Variants in TGIF1 observed in about 807,000 individuals in gnomAD.
TGIF1 encodes the protein TGFB induced factor homeobox 1, also known as homeobox protein TGIF1.
Under a neutral mutation model 19.3 loss-of-function variants are expected in TGIF1, and 4 were observed. That is an observed-to-expected ratio of 0.21 (90% CI 0.10 to 0.47). The LOEUF (loss-of-function observed/expected upper bound fraction) is 0.47. TGIF1 is among the 20% of genes least tolerant of loss of function. The pLI is 0.98. For missense variants in TGIF1, 275 were observed against 341.4 expected (o/e 0.81, Z 1.53); for synonymous variants, 122 against 129.3 (o/e 0.94, Z 0.38).
chr18:3,430,053 G>A (rs1389378500), intron 2 of TGIF1, among the ~76,000 whole-genome samples: 1 of 152,256 alleles, frequency 6.6e-6, no homozygotes, highest in Non-Finnish European at 1.5e-5. Context: ...ATACTCGGGA[G>A]GCTGAGGCAG....
At chr18:3,420,773 C>A (rs2082389468) in intron 2 of TGIF1, among the ~76,000 whole-genome samples, 1 of 152,162 alleles carries the variant, frequency 6.6e-6, no homozygotes, top group African/African-American at 2.4e-5. Flanking sequence ...GCCCTTAGCC[C>A]TTAGTTCTAG....
At position 3,459,553 on chromosome 18, in the gene TGIF1, T is replaced by G. The variant is rs189841534; in HGVS notation, c.*1613T>G. The G allele has an allele frequency of 9.2e-5, 14 of 152,194 alleles. No individual in the cohort carries two copies. Among genetic ancestry groups the G allele is most frequent in the Admixed American group, 3.9e-4 (6 of 15,286 alleles). 9.4% of individuals were successfully genotyped at this position (152,194 alleles called of 1,614,324 possible). A position where few individuals can be genotyped will look rare whatever the true frequency, so the allele number is the denominator to read the frequency against. ...TAAATACAAGGAACAAAATAAACAT[T>G]AATAAAAATGAATGACGCAAAGGTG... On this transcript the variant is annotated 3_prime_UTR_variant, in exon 3 of 3. Coordinates refer to ENST00000343820, the MANE Select transcript of TGIF1 (RefSeq NM_003244.4).
chr18:3,417,482 A>G (rs2082348410), intron 1 of TGIF1, among the ~76,000 whole-genome samples: 1 of 152,194 alleles, frequency 6.6e-6, no homozygotes, highest in Non-Finnish European at 1.5e-5. Context: ...AAATTCTACT[A>G]CATCCAGAGA....
At chr18:3,450,608 G>C (rs2082879607) in intron 1 of TGIF1, 103 bp downstream of exon 1, 1 of 1,544,244 alleles carries the variant, frequency 6.5e-7, no homozygotes, top group Admixed American at 2.0e-5. Flanking sequence ...TTCCGCCCAG[G>C]GGCTCTCATG....
chr18:3,438,594 C>CG (rs1417722194), intron 2 of TGIF1, among the ~76,000 whole-genome samples: 1 of 144,590 alleles, frequency 6.9e-6, no homozygotes, highest in Admixed American at 7.1e-5. Context: ...TTCATACACA[C>CG]AAACACACAC....
chr18:3,438,117 A>G (rs1302646943), intron 2 of TGIF1, among the ~76,000 whole-genome samples: 1 of 152,146 alleles, frequency 6.6e-6, no homozygotes, highest in Non-Finnish European at 1.5e-5. Context: ...CTAATTAAAT[A>G]GAAGTTAGTG....
At chr18:3,412,563 A>G in intron 1 of TGIF1, among the ~76,000 whole-genome samples, 1 of 152,220 alleles carries the variant, frequency 6.6e-6, no homozygotes, top group Non-Finnish European at 1.5e-5. Flanking sequence ...AATTCTTTGC[A>G]CATCTGGGAG....
In TGIF1 at chr18:3,450,521, G is replaced by C. The variant is rs2082873557; in HGVS notation, c.16+16G>C. 6.4e-7 allele frequency: 1 copy of C among 1,559,842 alleles called. No homozygotes were observed. ...GGCAAGAAAGGTAAGGCGGCCGCGG[G>C]CTGCGCGCACCAGAAGACGCGAGTC... On this transcript the variant is annotated intron_variant, in intron 1 of 2. Coordinates refer to ENST00000343820, the MANE Select transcript of TGIF1 (RefSeq NM_003244.4).
At chr18:3,433,310 G>A (rs1484864657) in intron 2 of TGIF1, among the ~76,000 whole-genome samples, 1 of 152,126 alleles carries the variant, frequency 6.6e-6, no homozygotes, top group Non-Finnish European at 1.5e-5. Flanking sequence ...CTGGCCTCAC[G>A]TGATCCGCCC....
rs1008374125 is a variant in TGIF1, at chr18:3,420,150, G to A, written c.-45+1935G>A. Among the ~76,000 whole-genome samples the A allele has an allele frequency of 2.0e-5, 3 of 152,118 alleles. No individual in the cohort carries two copies. The South Asian group carries it at 6.2e-4, about 32-fold the overall frequency. ...TAAAGCACTTTGGGAGGACAAGGTG[G>A]GTGGATCACTTGAGGTCAGGCAGAG... On this transcript the variant is annotated intron_variant, in intron 2 of 3. Coordinates refer to the TGIF1 transcript ENST00000401449.
chr18:3,447,892 A>G, upstream of TGIF1: 1 of 1,555,680 alleles, frequency 6.4e-7, no homozygotes, highest in Non-Finnish European at 8.9e-7. Flanking sequence ...GTTTGTTTTC[A>G]AGCTATAAAC....
At chr18:3,421,599 A>T (rs372869335) in intron 2 of TGIF1, among the ~76,000 whole-genome samples, 3 of 151,492 alleles carry the variant, frequency 2.0e-5, no homozygotes, top group Non-Finnish European at 4.4e-5. Context: ...TTTAGTAGAG[A>T]CAGGGTTTCT....
At chr18:3,448,114 G>C, upstream of TGIF1, 3 of 926,266 alleles carry the variant, frequency 3.2e-6, no homozygotes, top group Non-Finnish European at 3.8e-6. Flanking sequence ...GGCGTGTTTT[G>C]TGGAGTGGCT....
chr18:3,438,407 T>C (rs1385545793), intron 2 of TGIF1, among the ~76,000 whole-genome samples: 1 of 152,024 alleles, frequency 6.6e-6, no homozygotes, highest in Non-Finnish European at 1.5e-5. Flanking sequence ...GCAGATAAGT[T>C]ACCTGAAATT....
intron 2 of TGIF1, among the ~76,000 whole-genome samples, chr18:3,419,857 T>A (rs560143009): frequency 6.6e-6 from 1 of 151,948 alleles, no homozygotes; most frequent in African/African-American, 2.4e-5. Context: ...AATACAAAAA[T>A]TAGCTGGGCA....
chr18:3,448,041 A>G, upstream of TGIF1: 4 of 984,634 alleles, frequency 4.1e-6, no homozygotes, highest in Non-Finnish European at 4.8e-6. Flanking sequence ...GGGAAGAGGG[A>G]AACATTTTTG....
chr18:3,425,654 T>C (rs182842037), intron 2 of TGIF1, among the ~76,000 whole-genome samples: 2 of 152,090 alleles, frequency 1.3e-5, no homozygotes, highest in Non-Finnish European at 2.9e-5. Context: ...CACACCCCTA[T>C]GATTGCATCC....
At chr18:3,415,971 A>G (rs1022113404) in intron 1 of TGIF1, among the ~76,000 whole-genome samples, 1 of 152,262 alleles carries the variant, frequency 6.6e-6, no homozygotes, top group Admixed American at 6.5e-5. Context: ...GAGAGAAAGT[A>G]ACCAGTCCCA....
chr18:3,447,109 CTT>C (rs533069335), upstream of TGIF1, among the ~76,000 whole-genome samples: 1 of 152,078 alleles, frequency 6.6e-6, no homozygotes, highest in Non-Finnish European at 1.5e-5. Flanking sequence ...TGAAAAGTAA[CTT>C]AACTTTTTAA....
Sources: allele counts gnomAD v4.1 joint callset (sites outside exome capture counted in the v4.1 genomes callset), GRCh38; gene constraint gnomAD v4.1.1; transcripts MANE v1.5; gene names NCBI Gene and HGNC (gene_info 2026-07-23, HGNC 2026-07-21).